The following TAFA2 variants were observed in gnomAD, a reference collection of about 807,000 sequenced individuals.
The protein encoded by TAFA2 is chemokine-like protein TAFA-2.
In TAFA2, 7 loss-of-function variants were observed where a neutral mutation model predicts 18.8. That is an observed-to-expected ratio of 0.37 (90% CI 0.21 to 0.70). The LOEUF is 0.70. Among genes scored for constraint, TAFA2 ranks in the 30% least tolerant of loss-of-function variants. The probability of loss-of-function intolerance (pLI) is 0.53; values close to 1 mark genes in which losing one functional copy is unlikely to be tolerated. For missense variants in TAFA2, 122 were observed against 158.1 expected (o/e 0.77, Z 1.23); for synonymous variants, 60 against 54.2 (o/e 1.11, Z -0.47).
intron 1 of TAFA2, among the ~76,000 whole-genome samples, chr12:62,106,601 T>C (rs1020086110): frequency 1.3e-5 from 2 of 152,150 alleles, no homozygotes; most frequent in African/African-American, 4.8e-5. Context: ...AAAGAAAGCG[T>C]AGAAAAATTG....
At chr12:61,714,292 G>A (rs1028543293) in intron 4 of TAFA2, among the ~76,000 whole-genome samples, 5 of 152,098 alleles carry the variant, frequency 3.3e-5, no homozygotes, top group African/African-American at 2.4e-5. Flanking sequence ...TCTTTTTTAC[G>A]CAAATCTTAT....
chr12:61,907,231 A>G (rs1452356497), intron 1 of TAFA2, among the ~76,000 whole-genome samples: 1 of 152,212 alleles, frequency 6.6e-6, no homozygotes, highest in African/African-American at 2.4e-5. Context: ...AGGCCCTCCC[A>G]TCACAGGACT....
chr12:61,928,924 C>T (rs867179348), intron 1 of TAFA2, among the ~76,000 whole-genome samples: 6 of 152,072 alleles, frequency 3.9e-5, no homozygotes, highest in Middle Eastern at 3.2e-3. Context: ...AACCAAACAT[C>T]ACATGTTCTC....
At chr12:61,838,991 G>T (rs1279878840) in intron 2 of TAFA2, among the ~76,000 whole-genome samples, 1 of 151,980 alleles carries the variant, frequency 6.6e-6, no homozygotes, top group Non-Finnish European at 1.5e-5. Flanking sequence ...CCCTGCCTTA[G>T]GGGGAAAAAG....
intron 1 of TAFA2, among the ~76,000 whole-genome samples, chr12:62,212,285 A>G (rs1270661662): frequency 2.0e-5 from 3 of 152,192 alleles, no homozygotes; most frequent in African/African-American, 7.2e-5. Context: ...TGTCATTTTA[A>G]TGATATTCAG....
At position 61,851,811 on chromosome 12, in the gene TAFA2, A is replaced by G. The variant is rs1307098354; in HGVS notation, c.106+15509T>C. 2.7e-5 allele frequency among the ~76,000 whole-genome samples: 4 copies of G among 145,646 alleles called. No individual in the cohort carries two copies. The Admixed American group carries it at 2.8e-4, about 10-fold the overall frequency. On this transcript the variant is annotated intron_variant, in intron 2 of 4. Transcript: ENST00000416284. Reference sequence around the variant, plus strand: ...AAAAAAAAAAAAAAAAAAAAAAAAAAAAAAAAACATGTTCTAAGTAGAGAA... The same window carrying G: ...AAAAAAAAAAAAAAAAAAAAAAAAAGAAAAAAACATGTTCTAAGTAGAGAA...
chr12:61,878,092 G>T (rs1333211933), intron 1 of TAFA2: 2 of 455,462 alleles, frequency 4.4e-6, no homozygotes, highest in Admixed American at 2.4e-5. Context: ...GAGATACCTA[G>T]AATAGTCAAA....
At chr12:61,880,593 G>T in intron 1 of TAFA2, 1 of 449,314 alleles carries the variant, frequency 2.2e-6, no homozygotes, top group Non-Finnish European at 4.4e-6. Context: ...GGAGGGCTGA[G>T]CTCGGCCTAT....
intron 1 of TAFA2, among the ~76,000 whole-genome samples, chr12:62,021,126 T>A (rs1224320101): frequency 6.6e-6 from 1 of 152,060 alleles, no homozygotes; most frequent in Non-Finnish European, 1.5e-5. Flanking sequence ...AAACAAGAGG[T>A]CTAATTATGG....
At chr12:61,895,215 T>A (rs759051825) in intron 1 of TAFA2, among the ~76,000 whole-genome samples, 6 of 151,970 alleles carry the variant, frequency 3.9e-5, no homozygotes, top group Non-Finnish European at 8.8e-5. Flanking sequence ...AGTCAGACAA[T>A]AAAAATAGAA....
At chr12:62,040,346 A>C (rs944589897) in intron 1 of TAFA2, among the ~76,000 whole-genome samples, 1 of 152,110 alleles carries the variant, frequency 6.6e-6, no homozygotes, top group Non-Finnish European at 1.5e-5. Flanking sequence ...TGAACTCCTA[A>C]ACCCCAATAC....
At chr12:61,756,052 AT>A (rs1242581386) in intron 2 of TAFA2, among the ~76,000 whole-genome samples, 1 of 151,976 alleles carries the variant, frequency 6.6e-6, no homozygotes, top group Non-Finnish European at 1.5e-5. Context: ...AAGGAGACCC[AT>A]TGCAAATGAG....
Position 62,202,918 on chromosome 12 carries a change from C to G in TAFA2, c.-130+55845G>C, listed in dbSNP as rs1022569628. Among the ~76,000 whole-genome samples the G allele has an allele frequency of 3.3e-5, 5 of 151,448 alleles. 1 individual carries two copies. Among genetic ancestry groups the G allele is most frequent in the African/African-American group, 1.2e-4 (5 of 41,172 alleles). On this transcript the variant is annotated intron_variant, in intron 1 of 5. Transcript: ENST00000551619. ...TCGCAGCTCACTGCAACCTCCACCC[C>G]CTGGCTCAAGTAATTCTCATACCTC...
rs551223452 is a variant in TAFA2 at position 61,986,158 on chromosome 12, C to CTTTTTTTTTTTT, written c.-1-118744_-1-118733dup. Among the ~76,000 whole-genome samples the CTTTTTTTTTTTT allele has an allele frequency of 7.6e-5, 5 of 65,866 alleles. 1 individual carries two copies. Among genetic ancestry groups the CTTTTTTTTTTTT allele is most frequent in the African/African-American group, 2.5e-4 (4 of 15,720 alleles). 43.2% of individuals were successfully genotyped at this position (65,866 alleles called of 152,430 possible). A position where few individuals can be genotyped will look rare whatever the true frequency, so the allele number is the denominator to read the frequency against. On this transcript the variant is annotated intron_variant, in intron 1 of 4. Coordinates refer to ENST00000416284, the MANE Select transcript of TAFA2 (RefSeq NM_178539.5). ...CTAGACATAGACAATCTAAGCTCTT[C>CTTTTTTTTTTTT]TTTTTTTTTTTTTTTTTTTTTTTTT...
chr12:62,256,378 G>T (rs965039621), intron 1 of TAFA2, among the ~76,000 whole-genome samples: 5 of 151,958 alleles, frequency 3.3e-5, no homozygotes, highest in Non-Finnish European at 7.4e-5. Flanking sequence ...ATATAATTTT[G>T]TTTGCTCTAA....
chr12:61,740,759 T>C (rs760466143), intron 4 of TAFA2, among the ~76,000 whole-genome samples: 2 of 151,358 alleles, frequency 1.3e-5, no homozygotes, highest in Non-Finnish European at 2.9e-5. Flanking sequence ...AAAGGTAAAA[T>C]AGCCAATGGT....
intron 1 of TAFA2, among the ~76,000 whole-genome samples, chr12:62,153,795 C>T (rs1253629359): frequency 6.6e-6 from 1 of 152,110 alleles, no homozygotes; most frequent in Non-Finnish European, 1.5e-5. Flanking sequence ...GTGCTGTGTG[C>T]TCTTAGTCAA....
At chr12:62,176,112 T>C (rs554304466) in intron 1 of TAFA2, among the ~76,000 whole-genome samples, 54 of 152,286 alleles carry the variant, frequency 3.5e-4, no homozygotes, top group African/African-American at 1.3e-3. Flanking sequence ...TACCATACAA[T>C]ATCTGCTGCC....
At chr12:62,008,535 C>T (rs1880631633) in intron 1 of TAFA2, among the ~76,000 whole-genome samples, 1 of 152,072 alleles carries the variant, frequency 6.6e-6, no homozygotes, top group Non-Finnish European at 1.5e-5. Context: ...AAAGTATCAT[C>T]GCACAACATA....
Sources: allele counts gnomAD v4.1 joint callset (sites outside exome capture counted in the v4.1 genomes callset), GRCh38; gene constraint gnomAD v4.1.1; transcripts MANE v1.5; gene names NCBI Gene and HGNC (gene_info 2026-07-23, HGNC 2026-07-21).